BICD1: variants seen among roughly 807,000 people sequenced by gnomAD.
BICD1 encodes the protein protein bicaudal D homolog 1.
A neutral mutation model predicts 92.5 loss-of-function variants in BICD1; 35 were observed. The ratio of observed to expected loss-of-function variants is 0.38; its 90% CI spans 0.29 to 0.50. The LOEUF (loss-of-function observed/expected upper bound fraction) is 0.50, where lower values mean the gene tolerates loss of function less well. Among genes scored for constraint, BICD1 ranks in the 20% least tolerant of loss-of-function variants. The probability of loss-of-function intolerance (pLI) is 0.93; values close to 1 mark genes in which losing one functional copy is unlikely to be tolerated. For missense variants in BICD1, 950 were observed against 1,189.8 expected, an observed-to-expected ratio of 0.80 and a Z score of 2.97; for synonymous variants, 429 against 465.1, an observed-to-expected ratio of 0.92 and a Z score of 1.00.
intron 2 of BICD1, among the ~76,000 whole-genome samples, chr12:32,233,885 ATTT>A (rs1945978695): frequency 6.6e-6 from 1 of 152,210 alleles, no homozygotes; most frequent in Admixed American, 6.5e-5. Context: ...CTGTTCAGGC[ATTT>A]AATTCTCCTA....
At chr12:32,370,156 C>G (rs1210534583) in intron 9 of BICD1, among the ~76,000 whole-genome samples, 1 of 152,064 alleles carries the variant, frequency 6.6e-6, no homozygotes, top group African/African-American at 2.4e-5. Flanking sequence ...ATCACAAGGT[C>G]AAGAGATCGA....
At chr12:32,116,637 A>G (rs1172547660) in intron 1 of BICD1, among the ~76,000 whole-genome samples, 1 of 151,176 alleles carries the variant, frequency 6.6e-6, no homozygotes, top group African/African-American at 2.4e-5. Flanking sequence ...CTCCCACCTC[A>G]GCCTCCAGAG....
rs565292331 is a variant in BICD1 at position 32,176,116 on chromosome 12, G to A, written c.214-40131G>A. On this transcript the variant is annotated intron_variant, in intron 1 of 9. Transcript: ENST00000652176. Reference sequence around the variant, plus strand: ...CTTGTATGCATGTACTACATTTTGTGTATCTGTTCATTAGTTTTTGGACAT... The same window carrying A: ...CTTGTATGCATGTACTACATTTTGTATATCTGTTCATTAGTTTTTGGACAT... Among the ~76,000 whole-genome samples, 6 of 152,250 alleles carry A rather than the reference G, an allele frequency of 3.9e-5. No individual in the cohort carries two copies. In the South Asian group the frequency reaches 1.2e-3, roughly 32 times the overall value.
intron 1 of BICD1, among the ~76,000 whole-genome samples, chr12:32,209,604 A>C (rs1945155267): frequency 6.6e-6 from 1 of 152,228 alleles, no homozygotes; most frequent in Non-Finnish European, 1.5e-5. Context: ...GAGCACTCAG[A>C]TCTTAAAATA....
chr12:32,256,332 G>A lies in BICD1; in HGVS notation c.427-37662G>A, dbSNP rs200505332. On this transcript the variant is annotated intron_variant, in intron 2 of 9. Coordinates refer to ENST00000652176, the MANE Select transcript of BICD1 (RefSeq NM_001714.4). ...TCAAAAATGCTGGGATTACAGGTGT[G>A]AGCCACTACGCCCTGCCCTTTGCCA... 2.0e-5 allele frequency among the ~76,000 whole-genome samples: 3 copies of A among 152,292 alleles called. No individual in the cohort carries two copies. In the East Asian group the frequency reaches 5.8e-4, roughly 29 times the overall value.
intron 2 of BICD1, among the ~76,000 whole-genome samples, chr12:32,271,253 T>C (rs1947132937): frequency 6.6e-6 from 1 of 152,172 alleles, no homozygotes; most frequent in Non-Finnish European, 1.5e-5. Flanking sequence ...CTTAGTTCTG[T>C]TTCCACAGTG....
intron 3 of BICD1, among the ~76,000 whole-genome samples, chr12:32,302,984 A>C (rs1224214748): frequency 2.3e-5 from 3 of 132,474 alleles, no homozygotes; most frequent in Non-Finnish European, 4.6e-5. Flanking sequence ...CCCAGATTGG[A>C]GTGCAGTGAC....
At chr12:32,268,298 C>T (rs969925679) in intron 2 of BICD1, among the ~76,000 whole-genome samples, 2 of 152,114 alleles carry the variant, frequency 1.3e-5, no homozygotes, top group African/African-American at 4.8e-5. Context: ...AGAGTGCCTG[C>T]ATTCCTGCCC....
intron 1 of BICD1, among the ~76,000 whole-genome samples, chr12:32,205,686 A>G (rs1945030448): frequency 1.1e-5 from 1 of 90,892 alleles, no homozygotes; most frequent in South Asian, 3.0e-4. Context: ...TAAGTGATCA[A>G]TTTGCACTCT....
At chr12:32,268,855 T>C (rs547185991) in intron 2 of BICD1, among the ~76,000 whole-genome samples, 1 of 152,240 alleles carries the variant, frequency 6.6e-6, no homozygotes, top group East Asian at 1.9e-4. Context: ...TAATTATTAT[T>C]GTATCTAATT....
chr12:32,304,159 T>G (rs1429858107), intron 3 of BICD1, among the ~76,000 whole-genome samples: 1 of 152,168 alleles, frequency 6.6e-6, no homozygotes, highest in Non-Finnish European at 1.5e-5. Flanking sequence ...ACATCCCAAC[T>G]AAATCTCTAC....
chr12:32,294,048 T>C lies in BICD1; in HGVS notation c.481T>C (p.Tyr161His). The C allele has an allele frequency of 6.2e-7, 1 of 1,612,982 alleles. No homozygotes were observed. The highest frequency in any genetic ancestry group is 8.5e-7 in the Non-Finnish European group (1 of 1,179,760). The change falls in exon 3 of 10, where the codon TAT (tyrosine) becomes CAT (histidine). Residue 161 changes from tyrosine to histidine, a missense_variant. Physicochemically the swap from Tyr to His is moderately conservative, Grantham distance 83. Around this residue, in one of 5 missense-constraint regions of BICD1, gnomAD observed 202 missense variants for 205.3 expected, o/e 0.98. Coordinates refer to ENST00000652176, the MANE Select transcript of BICD1 (RefSeq NM_001714.4). ...ACGGATGAAGGATGAAATCCGAGAA[T>C]ATAAGTTCCGGGAGGCACGGCTCCT... ...RIRMKDEIREYKFREARLLQD... is the reference protein window; with the variant it reads ...RIRMKDEIREHKFREARLLQD...
intron 4 of BICD1, among the ~76,000 whole-genome samples, chr12:32,326,278 A>G (rs1592677576): frequency 1.3e-5 from 2 of 152,178 alleles, no homozygotes; most frequent in East Asian, 3.9e-4. Context: ...TGTAAACAAT[A>G]TTATTTGGTT....
chr12:32,141,521 T>C (rs1365045798), intron 1 of BICD1, among the ~76,000 whole-genome samples: 1 of 152,216 alleles, frequency 6.6e-6, no homozygotes, highest in East Asian at 1.9e-4. Context: ...TCGCCCAGGC[T>C]GGAGTGCAGT....
chr12:32,235,278 G>C (rs577639472), intron 2 of BICD1, among the ~76,000 whole-genome samples: 1 of 152,120 alleles, frequency 6.6e-6, no homozygotes, highest in East Asian at 1.9e-4. Flanking sequence ...TAGAATGAAG[G>C]ATGTAAAATA....
At chr12:32,246,563 G>C (rs1245217149) in intron 2 of BICD1, among the ~76,000 whole-genome samples, 1 of 152,120 alleles carries the variant, frequency 6.6e-6, no homozygotes, top group Non-Finnish European at 1.5e-5. Context: ...GCTTGAGCCT[G>C]GGGGGTTGAG....
chr12:32,106,999 G>T lies in BICD1; in HGVS notation c.-333G>T. 2 of 295,428 alleles carry T rather than the reference G, an allele frequency of 6.8e-6. No individual in the cohort carries two copies. Among genetic ancestry groups the T allele is most frequent in the Non-Finnish European group, 1.3e-5 (2 of 157,424 alleles). The allele number at this position is 295,428 out of a possible 1,614,324, so 18.3% of individuals were successfully genotyped here. ...CGTCTCTGAATAAGCAGAATCCGGAGCCCCTCGCTACCCGCGGCCGCCGCA... is the reference window on the plus strand; with the variant it reads ...CGTCTCTGAATAAGCAGAATCCGGATCCCCTCGCTACCCGCGGCCGCCGCA... On this transcript the variant is annotated 5_prime_UTR_variant, in exon 1 of 10. Coordinates refer to ENST00000652176, the MANE Select transcript of BICD1 (RefSeq NM_001714.4).
intron 1 of BICD1, among the ~76,000 whole-genome samples, chr12:32,112,288 G>A (rs921503875): frequency 6.6e-6 from 1 of 152,192 alleles, no homozygotes; most frequent in Non-Finnish European, 1.5e-5. Context: ...TTACAGGCGT[G>A]AGCCCCCACG....
intron 2 of BICD1, among the ~76,000 whole-genome samples, chr12:32,285,999 T>G (rs1034505722): frequency 1.3e-5 from 2 of 152,186 alleles, no homozygotes; most frequent in African/African-American, 4.8e-5. Context: ...TAAGACCAGT[T>G]TTCTTCCTCT....
Sources: allele counts gnomAD v4.1 joint callset (sites outside exome capture counted in the v4.1 genomes callset), GRCh38; gene constraint gnomAD v4.1.1; regional missense constraint gnomAD v4.1.1; transcripts MANE v1.5; gene names NCBI Gene and HGNC (gene_info 2026-07-23, HGNC 2026-07-21).